SLC25A12: variants seen among roughly 807,000 people sequenced by gnomAD.
SLC25A12 encodes the protein electrogenic aspartate/glutamate antiporter SLC25A12, mitochondrial.
A neutral mutation model predicts 83.3 loss-of-function variants in SLC25A12; 32 were observed. The ratio of observed to expected loss-of-function variants is 0.38; its 90% CI spans 0.29 to 0.52. The LOEUF (loss-of-function observed/expected upper bound fraction) is 0.52, where lower values mean the gene tolerates loss of function less well. SLC25A12 is among the 20% of genes least tolerant of loss of function. The pLI is 0.84. For synonymous variants in SLC25A12, 267 were observed against 291.1 expected, an observed-to-expected ratio of 0.92 and a Z score of 0.84; for missense variants, 611 against 835.6, an observed-to-expected ratio of 0.73 and a Z score of 3.31.
In SLC25A12 at chr2:171,785,199, T is replaced by C; in HGVS notation, c.*75A>G. ...GCTCAGTCAGTACCATGCAGCTGACTGGATACATTACAGGGCTGCTCTCCT... is the reference window on the plus strand; with the variant it reads ...GCTCAGTCAGTACCATGCAGCTGACCGGATACATTACAGGGCTGCTCTCCT... On this transcript the variant is annotated 3_prime_UTR_variant, in exon 18 of 18. Transcript: ENST00000422440. The C allele has an allele frequency of 7.4e-7, 1 of 1,354,184 alleles. No individual in the cohort carries two copies. The highest frequency in any genetic ancestry group is 1.2e-5 in the South Asian group (1 of 84,290). 83.9% of individuals were successfully genotyped at this position (1,354,184 alleles called of 1,614,324 possible).
At chr2:171,871,303 G>A (rs1346848226) in intron 2 of SLC25A12, among the ~76,000 whole-genome samples, 2 of 151,960 alleles carry the variant, frequency 1.3e-5, no homozygotes, top group African/African-American at 2.4e-5. Context: ...AGTGGCTCAC[G>A]CCTGTAATCC....
intron 3 of SLC25A12, among the ~76,000 whole-genome samples, chr2:171,864,287 C>T (rs901917145): frequency 6.6e-6 from 1 of 152,198 alleles, no homozygotes; most frequent in African/African-American, 2.4e-5. Flanking sequence ...ACTGCCATAA[C>T]AAGCCAAAAT....
chr2:171,790,246 A>T (rs895184649), intron 15 of SLC25A12, among the ~76,000 whole-genome samples: 2 of 152,242 alleles, frequency 1.3e-5, no homozygotes, highest in Non-Finnish European at 2.9e-5. Flanking sequence ...GAGCCCAGCA[A>T]GGAAGAGCAA....
At chr2:171,832,488 T>C (rs1386579232) in intron 8 of SLC25A12, among the ~76,000 whole-genome samples, 1 of 152,216 alleles carries the variant, frequency 6.6e-6, no homozygotes, top group Non-Finnish European at 1.5e-5. Flanking sequence ...CTAGTTGTAC[T>C]TATGTTTATC....
intron 9 of SLC25A12, 61 bp from the exon 10 acceptor site, chr2:171,815,263 T>C: frequency 1.7e-6 from 2 of 1,151,724 alleles, no homozygotes; most frequent in South Asian, 1.2e-5. Context: ...GTGAAAAAGC[T>C]ACAATTTGAC....
chr2:171,801,133 C>T (rs950790926), intron 13 of SLC25A12, among the ~76,000 whole-genome samples: 5 of 152,028 alleles, frequency 3.3e-5, no homozygotes, highest in African/African-American at 4.8e-5. Context: ...TATTCATACA[C>T]TTATTAAAGG....
intron 9 of SLC25A12, among the ~76,000 whole-genome samples, chr2:171,825,427 C>T (rs1339936383): frequency 6.6e-6 from 1 of 152,242 alleles, no homozygotes; most frequent in Non-Finnish European, 1.5e-5. Flanking sequence ...GCGAACTACA[C>T]TTAAACATAT....
intron 9 of SLC25A12, among the ~76,000 whole-genome samples, chr2:171,819,421 T>C (rs1684135127): frequency 8.9e-6 from 1 of 112,760 alleles, no homozygotes; most frequent in Non-Finnish European, 1.7e-5. Flanking sequence ...TATAATTATG[T>C]TATATACATA....
At chr2:171,801,445 C>T (rs1040000704) in intron 13 of SLC25A12, among the ~76,000 whole-genome samples, 2 of 152,022 alleles carry the variant, frequency 1.3e-5, no homozygotes, top group Non-Finnish European at 2.9e-5. Context: ...ACTATTTTTG[C>T]CCACAATAGA....
intron 3 of SLC25A12, among the ~76,000 whole-genome samples, chr2:171,860,252 G>A (rs4668416): frequency 0.77 from 117,380 of 152,132 alleles, 46,343 homozygotes; most frequent in East Asian, 0.89. Flanking sequence ...TGAGATTTAC[G>A]TTTTCTTACT....
At chr2:171,789,887 C>A (rs544056247) in intron 15 of SLC25A12, among the ~76,000 whole-genome samples, 1 of 151,456 alleles carries the variant, frequency 6.6e-6, no homozygotes, top group Admixed American at 6.6e-5. Flanking sequence ...GAGCAAGATT[C>A]TGTCTCACCA....
intron 4 of SLC25A12, among the ~76,000 whole-genome samples, chr2:171,853,511 T>G (rs1270593995): frequency 6.6e-6 from 1 of 152,194 alleles, no homozygotes; most frequent in East Asian, 1.9e-4. Flanking sequence ...CGAAGCCCCG[T>G]CTCTACTAAA....
intron 4 of SLC25A12, among the ~76,000 whole-genome samples, chr2:171,851,631 C>T (rs954117715): frequency 1.7e-4 from 26 of 152,054 alleles, no homozygotes; most frequent in Admixed American, 1.7e-3. Context: ...ACCTCCCAGG[C>T]TCAAGTAATC....
chr2:171,784,688 T>TTA lies in SLC25A12; in HGVS notation c.*584_*585dup, dbSNP rs1690454691. The TTA allele has an allele frequency of 5.9e-6, 1 of 169,242 alleles. No individual in the cohort carries two copies. The highest frequency in any genetic ancestry group is 1.5e-4 in the East Asian group (1 of 6,480). 10.5% of individuals were successfully genotyped at this position (169,242 alleles called of 1,614,324 possible). Reference sequence around the variant, plus strand: ...GGCATGCATCTTTCCAAAGTATCACTTATTCAGTGGTAGCAGCACTATGTC... The same window carrying TTA: ...GGCATGCATCTTTCCAAAGTATCACTTATATTCAGTGGTAGCAGCACTATGTC... On this transcript the variant is annotated 3_prime_UTR_variant, in exon 18 of 18. Transcript: ENST00000422440.
intron 9 of SLC25A12, among the ~76,000 whole-genome samples, chr2:171,815,719 A>G (rs560064411): frequency 1.3e-5 from 2 of 152,226 alleles, no homozygotes; most frequent in East Asian, 3.9e-4. Context: ...TATAATAATA[A>G]AAAAGAGAAA....
At chr2:171,865,668 A>G (rs1223935359) in intron 3 of SLC25A12, among the ~76,000 whole-genome samples, 1 of 151,258 alleles carries the variant, frequency 6.6e-6, no homozygotes, top group African/African-American at 2.4e-5. Flanking sequence ...CTCAAAAAAT[A>G]TATATATTAT....
intron 15 of SLC25A12, among the ~76,000 whole-genome samples, chr2:171,790,844 T>C (rs1455032959): frequency 6.6e-6 from 1 of 152,040 alleles, no homozygotes; most frequent in Admixed American, 6.6e-5. Flanking sequence ...GGTAGCTGGC[T>C]GGGACTACAG....
intron 5 of SLC25A12, among the ~76,000 whole-genome samples, 166 bp downstream of exon 5, chr2:171,844,203 C>A (rs1684744577): frequency 6.6e-6 from 1 of 152,100 alleles, no homozygotes. Flanking sequence ...CTGAAAGAAA[C>A]AGCTATTAAG....
At chr2:171,841,547 A>AT (rs1684672852) in intron 5 of SLC25A12, among the ~76,000 whole-genome samples, 2 of 151,672 alleles carry the variant, frequency 1.3e-5, no homozygotes, top group South Asian at 4.2e-4. Context: ...TAGTTTTTGT[A>AT]TTTTTTGTAA....
Sources: allele counts gnomAD v4.1 joint callset (sites outside exome capture counted in the v4.1 genomes callset), GRCh38; gene constraint gnomAD v4.1.1; transcripts MANE v1.5; gene names NCBI Gene and HGNC (gene_info 2026-07-23, HGNC 2026-07-21).